The following ZNF629 variants were observed in gnomAD, a reference collection of about 807,000 sequenced individuals.
ZNF629 encodes the protein zinc finger protein 629.
In ZNF629, 9 loss-of-function variants were observed where a neutral mutation model predicts 59.7. That is an observed-to-expected ratio of 0.15 (90% CI 0.09 to 0.26). The LOEUF is 0.26. Among genes scored for constraint, ZNF629 ranks in the 10% least tolerant of loss-of-function variants. The pLI is 1.00. For missense variants in ZNF629, 853 were observed against 1,165.4 expected (o/e 0.73, Z 3.90); for synonymous variants, 509 against 498.9 (o/e 1.02, Z -0.27).
chr16:30,781,320 T>TC lies in ZNF629; in HGVS notation c.*397dup, dbSNP rs1441409297. On this transcript the variant is annotated 3_prime_UTR_variant, in exon 3 of 3. Coordinates refer to ENST00000262525, the MANE Select transcript of ZNF629 (RefSeq NM_001080417.3). ...CCCGGGTCAGTGCCATTGCGGTACTTCCCCGACCCTATAGGATTTTCCTAA... is the reference window on the plus strand; with the variant it reads ...CCCGGGTCAGTGCCATTGCGGTACTTCCCCCGACCCTATAGGATTTTCCTAA... The TC allele has an allele frequency of 2.6e-5, 4 of 156,242 alleles. No homozygotes were observed. In the Admixed American group the frequency reaches 2.6e-4, roughly 10 times the overall value. 9.7% of individuals were successfully genotyped at this position (156,242 alleles called of 1,614,324 possible).
At position 30,781,863 on chromosome 16, in the gene ZNF629, G is replaced by A. The variant is rs775901850; in HGVS notation, c.2465C>T (p.Thr822Ile). The A allele has an allele frequency of 1.3e-5, 21 of 1,582,914 alleles. No individual in the cohort carries two copies. The highest frequency in any genetic ancestry group is 1.7e-5 in the Non-Finnish European group (20 of 1,161,844). The change falls in exon 3 of 3, where the codon ACA (threonine) becomes ATA (isoleucine). Residue 822 changes from threonine to isoleucine, a missense_variant. Physicochemically the swap from Thr to Ile is moderately conservative, Grantham distance 89. Around this residue, in one of 3 missense-constraint regions of ZNF629, gnomAD observed 420 missense variants for 435.6 expected, o/e 0.96. Coordinates refer to ENST00000262525, the MANE Select transcript of ZNF629 (RefSeq NM_001080417.3). ...QEGEGETPTP[T>I]ESSSHGEGQN... ...CCCTTCCCCATGGCTGCTGCTCTCT[G>A]TGGGGGTAGGGGTCTCGCCCTCACC... is the stretch of plus-strand genomic sequence containing the variant.
In ZNF629 at chr16:30,782,322, T is replaced by C; in HGVS notation, c.2006A>G (p.Glu669Gly). Residue 669 changes from glutamate to glycine, a missense_variant, in exon 3 of 3, where the codon GAG (glutamate) becomes GGG (glycine). Physicochemically the swap from Glu to Gly is moderately conservative, Grantham distance 98 (BLOSUM62 -2). Coordinates refer to ENST00000262525, the MANE Select transcript of ZNF629 (RefSeq NM_001080417.3). ...SKTYICSHCG[E>G]SFLDRSVLLQ... ...GAGCACAGAGCGATCCAGGAAGCTC[T>C]CTCCGCAGTGGGAGCAGATGTAGGT... 6.2e-7 allele frequency: 1 copy of C among 1,606,142 alleles called. No individual in the cohort carries two copies. Among genetic ancestry groups the C allele is most frequent in the Non-Finnish European group, 8.5e-7 (1 of 1,176,134 alleles).
At chr16:30,784,309 G>A in intron 2 of ZNF629, 55 bp from the exon 3 acceptor site, 2 of 1,558,362 alleles carry the variant, frequency 1.3e-6, no homozygotes. Flanking sequence ...CACGGGGTTT[G>A]GTCTCTCTTC....
At position 30,783,164 on chromosome 16, in the gene ZNF629, C is replaced by T; in HGVS notation, c.1164G>A (p.Thr388=). 1 of 1,610,030 alleles carries T rather than the reference C, an allele frequency of 6.2e-7. No homozygotes were observed. Among genetic ancestry groups the T allele is most frequent in the Non-Finnish European group, 8.5e-7 (1 of 1,178,612 alleles). The stretch of plus-strand genomic sequence containing the variant: ...TGTGCGTGCGCTGGTGCCGCAGCAA[C>T]GTGGCGCTCAGGGTGAAGGTCTTGC... ...VCGKTFTLSA[T]LLRHQRTHTG... is the part of the protein sequence containing the mutation. The change falls in exon 3 of 3, where the codon ACG becomes ACA. Residue 388 remains threonine (T), a synonymous_variant. Transcript: ENST00000262525.
chr16:30,782,542 G>T lies in ZNF629; in HGVS notation c.1786C>A (p.Pro596Thr). The T allele has an allele frequency of 6.4e-7, 1 of 1,560,244 alleles. No individual in the cohort carries two copies. The highest frequency in any genetic ancestry group is 2.4e-5 in the East Asian group (1 of 41,736). Reference protein sequence around the residue: ...QHQRIHIGENPYKNADGLIAH... With the variant: ...QHQRIHIGENTYKNADGLIAH... The stretch of plus-strand genomic sequence containing the variant: ...ATGAGGCCGTCTGCATTTTTGTAGG[G>T]GTTTTCTCCGATGTGGATCCTCTGA... The change falls in exon 3 of 3, where the codon CCC becomes ACC. Residue 596 changes from proline to threonine, a missense_variant. Around this residue, in one of 3 missense-constraint regions of ZNF629, gnomAD observed 420 missense variants for 435.6 expected, o/e 0.96. Coordinates refer to ENST00000262525, the MANE Select transcript of ZNF629 (RefSeq NM_001080417.3).
Position 30,786,909 on chromosome 16 carries a change from C to A in ZNF629, c.-34+119G>T, listed in dbSNP as rs1021363683. On this transcript the variant is annotated intron_variant, in intron 1 of 2. Transcript: ENST00000262525. The surrounding 1 kb of genome is among the most constrained non-coding windows in gnomAD (Gnocchi z 4.8). ...CCCCCACCCCGGCCACAGCCCCGGGCGCGGGTGGGGGGCTCAGGCCCGGGC... is the reference window on the plus strand; with the variant it reads ...CCCCCACCCCGGCCACAGCCCCGGGAGCGGGTGGGGGGCTCAGGCCCGGGC... 1 of 151,670 alleles carries A rather than the reference C, an allele frequency of 6.6e-6. No individual in the cohort carries two copies. Among genetic ancestry groups the A allele is most frequent in the Non-Finnish European group, 1.5e-5 (1 of 67,820 alleles). 9.4% of individuals were successfully genotyped at this position (151,670 alleles called of 1,614,324 possible).
chr16:30,783,065 C>T lies in ZNF629; in HGVS notation c.1263G>A (p.Gln421=), dbSNP rs1373167188. 6.2e-7 allele frequency: 1 copy of T among 1,612,404 alleles called. No individual in the cohort carries two copies. Among genetic ancestry groups the T allele is most frequent in the Admixed American group, 1.7e-5 (1 of 59,826 alleles). Reference sequence around the variant, plus strand: ...AGGGCCGCTCGCCGCGGTGGATGCGCTGGTGGTTGATGAGGTTGGAGCTGA... The same window carrying T: ...AGGGCCGCTCGCCGCGGTGGATGCGTTGGTGGTTGATGAGGTTGGAGCTGA... ...FSVSSNLINH[Q]RIHRGERPYI... is the part of the protein sequence containing the mutation. Residue 421 remains glutamine (Q), a synonymous_variant, in exon 3 of 3, where the codon CAG becomes CAA. Transcript: ENST00000262525.
chr16:30,784,985 GA>G (rs1330402118), intron 1 of ZNF629, among the ~76,000 whole-genome samples: 2 of 152,046 alleles, frequency 1.3e-5, no homozygotes, highest in Non-Finnish European at 2.9e-5. Context: ...GGCTGCCTGA[GA>G]CACTTAAAGG....
rs1295522290 is a variant in ZNF629 at position 30,783,943 on chromosome 16, G to A, written c.385C>T (p.Pro129Ser). ...TCCCGCAGGCTGGGCTCGTTGGCGG[G>A]GACGACTGGGGGGCTGTTCCATGTG... Reference protein sequence around the residue: ...LTTWNSPPVVPANEPSLRELV... With the variant: ...LTTWNSPPVVSANEPSLRELV... Residue 129 changes from proline to serine, a missense_variant, in exon 3 of 3, where the codon CCC (proline) becomes TCC (serine). Transcript: ENST00000262525. The A allele has an allele frequency of 6.3e-7, 1 of 1,588,754 alleles. No homozygotes were observed. Among genetic ancestry groups the A allele is most frequent in the Non-Finnish European group, 8.6e-7 (1 of 1,167,324 alleles).
chr16:30,784,139 C>T lies in ZNF629; in HGVS notation c.189G>A (p.Leu63=), dbSNP rs1170290874. 3 of 1,609,628 alleles carry T rather than the reference C, an allele frequency of 1.9e-6. No individual in the cohort carries two copies. The East Asian group carries it at 6.7e-5, about 36-fold the overall frequency. The change falls in exon 3 of 3, where the codon CTG becomes CTA. Residue 63 remains leucine, a synonymous_variant. Transcript: ENST00000262525. ...PESKDSTEMS[L]ERSSQDPSVP... is the part of the protein sequence containing the mutation. ...CAGAGGGGTCCTGGGAGGATCTCTC[C>T]AGGGACATCTCTGTTGAGTCCTTGG...
chr16:30,782,537 G>A lies in ZNF629; in HGVS notation c.1791C>T (p.Tyr597=). ...HQRIHIGENP[Y]KNADGLIAHA... ...GTGCGATGAGGCCGTCTGCATTTTT[G>A]TAGGGGTTTTCTCCGATGTGGATCC... Residue 597 remains tyrosine (Y), a synonymous_variant, in exon 3 of 3, where the codon TAC becomes TAT. Coordinates refer to ENST00000262525, the MANE Select transcript of ZNF629 (RefSeq NM_001080417.3). The A allele has an allele frequency of 6.4e-7, 1 of 1,561,128 alleles. No individual in the cohort carries two copies. Among genetic ancestry groups the A allele is most frequent in the Non-Finnish European group, 8.7e-7 (1 of 1,151,898 alleles).
Position 30,784,324 on chromosome 16 carries a change from C to T in ZNF629, c.74-70G>A, listed in dbSNP as rs2054312145. The stretch of plus-strand genomic sequence containing the variant: ...CACGGGGTTTGGTCTCTCTTCCCTC[C>T]CCCGGGTGTCCCCCAGAGTCCAGGC... On this transcript the variant is annotated intron_variant, in intron 2 of 2. Transcript: ENST00000262525. 6 of 1,547,988 alleles carry T rather than the reference C, an allele frequency of 3.9e-6. No individual in the cohort carries two copies. The East Asian group carries it at 7.2e-5, about 19-fold the overall frequency.
In ZNF629 at chr16:30,782,140, G is replaced by A; in HGVS notation, c.2188C>T (p.Leu730=). ...CCTGCATGGACTTTCTGGTGCAGCA[G>A]CAGCTCAGAGCTGAGGCCAAAGCTT... ...KQSFGLSSEL[L]LHQKVHAGGK... Residue 730 remains leucine (L), a synonymous_variant, in exon 3 of 3, where the codon CTG becomes TTG. Coordinates refer to ENST00000262525, the MANE Select transcript of ZNF629 (RefSeq NM_001080417.3). The A allele has an allele frequency of 3.7e-6, 6 of 1,612,390 alleles. No individual in the cohort carries two copies. The highest frequency in any genetic ancestry group is 5.1e-6 in the Non-Finnish European group (6 of 1,179,488).
rs1316876734 is a variant in ZNF629 at position 30,783,233 on chromosome 16, C to T, written c.1095G>A (p.Gln365=). Residue 365 remains glutamine, a synonymous_variant, in exon 3 of 3, where the codon CAG becomes CAA. Coordinates refer to ENST00000262525, the MANE Select transcript of ZNF629 (RefSeq NM_001080417.3). ...FGHSSTLIKH[Q]RTHLREDPFK... Reference sequence around the variant, plus strand: ...ACGGGTCCTCGCGCAGGTGAGTCCGCTGGTGCTTGATGAGGGTGGAGCTGT... The same window carrying T: ...ACGGGTCCTCGCGCAGGTGAGTCCGTTGGTGCTTGATGAGGGTGGAGCTGT... The T allele has an allele frequency of 2.5e-6, 4 of 1,612,524 alleles. No homozygotes were observed. Among genetic ancestry groups the T allele is most frequent in the Non-Finnish European group, 3.4e-6 (4 of 1,179,576 alleles).
chr16:30,782,064 A>G lies in ZNF629; in HGVS notation c.2264T>C (p.Leu755Pro). ...SPELGKSSSV[L>P]LEHLRSPLGA... The stretch of plus-strand genomic sequence containing the variant: ...CAGGGGGCTCCTGAGATGCTCCAGG[A>G]GGACGGAAGAGCTCTTCCCCAGCTC... Residue 755 changes from leucine to proline, a missense_variant, in exon 3 of 3, where the codon CTC becomes CCC. This residue lies in a region of ZNF629 where 420 missense variants were observed against 435.6 expected (regional missense o/e 0.96). Coordinates refer to ENST00000262525, the MANE Select transcript of ZNF629 (RefSeq NM_001080417.3). 1 of 1,573,876 alleles carries G rather than the reference A, an allele frequency of 6.4e-7. No homozygotes were observed. Among genetic ancestry groups the G allele is most frequent in the Non-Finnish European group, 8.6e-7 (1 of 1,160,174 alleles).
chr16:30,782,930 G>A lies in ZNF629; in HGVS notation c.1398C>T (p.Ser466=), dbSNP rs1414568940. Residue 466 remains serine, a synonymous_variant, in exon 3 of 3, where the codon AGC becomes AGT. Transcript: ENST00000262525. ...GGATAAGGTGGGAGCTGCGGATGAA[G>A]CTCTTGCCGCAGTCGGAACACTTGT... is the stretch of plus-strand genomic sequence containing the variant. ...KPYKCSDCGK[S]FIRSSHLIQH... is the part of the protein sequence containing the mutation. 6.2e-7 allele frequency: 1 copy of A among 1,613,922 alleles called. No individual in the cohort carries two copies. The highest frequency in any genetic ancestry group is 1.1e-5 in the South Asian group (1 of 91,070).
At position 30,784,392 on chromosome 16, in the gene ZNF629, C is replaced by A; in HGVS notation, c.73+18G>T. 6.4e-7 allele frequency: 1 copy of A among 1,558,460 alleles called. No individual in the cohort carries two copies. The highest frequency in any genetic ancestry group is 1.4e-5 in the African/African-American group (1 of 73,682). On this transcript the variant is annotated intron_variant, in intron 2 of 2. Transcript: ENST00000262525. ...CCACCGTCTTGCCGGGACCGCAGCC[C>A]CTTCTTGTGCCCCTCACCTCTGTGA...
At position 30,779,516 on chromosome 16, in the gene ZNF629, C is replaced by T. The variant is rs1486813184; in HGVS notation, c.*2202G>A. On this transcript the variant is annotated 3_prime_UTR_variant, in exon 3 of 3. Transcript: ENST00000262525. ...GGCAGCACCCCCCTCAGTAGTGCTT[C>T]CCTTCCTGGCACTTGGATAGGCTGG... The T allele has an allele frequency of 6.6e-6, 1 of 152,236 alleles. No individual in the cohort carries two copies. Among genetic ancestry groups the T allele is most frequent in the Admixed American group, 6.5e-5 (1 of 15,286 alleles). The allele number at this position is 152,236 out of a possible 1,614,324, so 9.4% of individuals were successfully genotyped here.
Position 30,784,399 on chromosome 16 carries a change from G to C in ZNF629, c.73+11C>G. The C allele has an allele frequency of 6.4e-7, 1 of 1,562,548 alleles. No individual in the cohort carries two copies. The highest frequency in any genetic ancestry group is 8.7e-7 in the Non-Finnish European group (1 of 1,155,920). On this transcript the variant is annotated intron_variant, in intron 2 of 2. Transcript: ENST00000262525. The stretch of plus-strand genomic sequence containing the variant: ...CTTGCCGGGACCGCAGCCCCTTCTT[G>C]TGCCCCTCACCTCTGTGAGCATCGT...
Sources: allele counts gnomAD v4.1 joint callset (sites outside exome capture counted in the v4.1 genomes callset), GRCh38; gene constraint gnomAD v4.1.1; regional missense constraint gnomAD v4.1.1; non-coding constraint Gnocchi (gnomAD v3.1); transcripts MANE v1.5; gene names NCBI Gene and HGNC (gene_info 2026-07-23, HGNC 2026-07-21).